Variants in COPB2 observed in about 807,000 individuals in gnomAD.
COPB2 encodes the protein coat protein complex I subunit beta 2, also known as coatomer subunit beta'.
In COPB2, 16 loss-of-function variants were observed where a neutral mutation model predicts 120.8. The observed-to-expected ratio is 0.13, with a 90% CI of 0.09 to 0.20. The LOEUF (loss-of-function observed/expected upper bound fraction) is 0.20, where lower values mean the gene tolerates loss of function less well. Among genes scored for constraint, COPB2 ranks in the 10% least tolerant of loss-of-function variants. COPB2 has a pLI of 1.00. For missense variants in COPB2, 794 were observed against 1,076.5 expected, an observed-to-expected ratio of 0.74 and a Z score of 3.67; for synonymous variants, 332 against 366.3, an observed-to-expected ratio of 0.91 and a Z score of 1.07.
chr3:139,384,745 T>C (rs1338955016), intron 1 of COPB2, among the ~76,000 whole-genome samples: 1 of 152,206 alleles, frequency 6.6e-6, no homozygotes, highest in Non-Finnish European at 1.5e-5. Flanking sequence ...TAAGTGAAAA[T>C]GACTTTTTAA....
chr3:139,367,285 T>C, intron 13 of COPB2, 140 bp from the exon 14 acceptor site: 1 of 1,054,412 alleles, frequency 9.5e-7, no homozygotes, highest in South Asian at 1.9e-5. Context: ...AAAAAAATTT[T>C]CCTTGGAATT....
intron 1 of COPB2, among the ~76,000 whole-genome samples, chr3:139,385,906 A>AAT (rs1235109152): frequency 6.6e-6 from 1 of 152,222 alleles, no homozygotes; most frequent in Non-Finnish European, 1.5e-5. Context: ...ACACAACCTA[A>AAT]AAGCTCATTT....
chr3:139,358,159 A>C (rs778518232), intron 21 of COPB2, 41 bp downstream of exon 21: 1 of 1,545,272 alleles, frequency 6.5e-7, no homozygotes, highest in East Asian at 2.2e-5. Flanking sequence ...ATGGGGAGGA[A>C]GATGGGGTAG....
chr3:139,387,656 A>G (rs978571365), intron 1 of COPB2, among the ~76,000 whole-genome samples: 1 of 152,176 alleles, frequency 6.6e-6, no homozygotes, highest in African/African-American at 2.4e-5. Context: ...TCTCCAGATC[A>G]CCTTATATAT....
intron 9 of COPB2, among the ~76,000 whole-genome samples, chr3:139,372,880 CCTA>C (rs958549309): frequency 8.5e-5 from 13 of 152,168 alleles, no homozygotes; most frequent in African/African-American, 3.1e-4. Context: ...AGAGAGGGCA[CCTA>C]CTAAGTCTCA....
In COPB2 at chr3:139,373,349, A is replaced by C. The variant is rs748708144; in HGVS notation, c.958T>G (p.Ser320Ala). 1 of 1,614,176 alleles carries C rather than the reference A, an allele frequency of 6.2e-7. No homozygotes were observed. The highest frequency in any genetic ancestry group is 8.5e-7 in the Non-Finnish European group (1 of 1,180,036). The change falls in exon 9 of 22, where the codon TCA becomes GCA. Residue 320 changes from serine (S) to alanine (A), a missense_variant. Physicochemically the swap from Ser to Ala is moderately conservative, Grantham distance 99. Coordinates refer to ENST00000333188, the MANE Select transcript of COPB2 (RefSeq NM_004766.3). ...ANGKIIWAKH[S>A]EVQQANLKAM... is the part of the protein sequence containing the mutation. ...TTTAGGTTGGCCTGCTGGACTTCTG[A>C]ATGCTTGGCCCAAATTATCTTTCCA...
In COPB2 at chr3:139,383,423, C is replaced by T. The variant is rs915447352; in HGVS notation, c.16G>A (p.Asp6Asn). 1 of 1,563,070 alleles carries T rather than the reference C, an allele frequency of 6.4e-7. No homozygotes were observed. Among genetic ancestry groups the T allele is most frequent in the Admixed American group, 2.0e-5 (1 of 50,232 alleles). Residue 6 changes from aspartate to asparagine, a missense_variant, in exon 2 of 22, where the codon GAT becomes AAT. Physicochemically the swap from Asp to Asn is conservative, Grantham distance 23 (BLOSUM62 1). Coordinates refer to ENST00000333188, the MANE Select transcript of COPB2 (RefSeq NM_004766.3). MPLRL[D>N]IKRKLTARSD... ...CTAGCAGTTAGCTTTCTTTTGATAT[C>T]AAGTCGCAGAGGCTAAAAAGAAACA...
intron 1 of COPB2, among the ~76,000 whole-genome samples, chr3:139,386,552 T>A (rs111835075): frequency 6.6e-6 from 1 of 152,138 alleles, no homozygotes; most frequent in African/African-American, 2.4e-5. Flanking sequence ...CATCTTAACA[T>A]TCCTTGCTAG....
Position 139,371,853 on chromosome 3 carries a change from G to T in COPB2, c.1095-20C>A. 6.2e-7 allele frequency: 1 copy of T among 1,601,896 alleles called. No homozygotes were observed. Among genetic ancestry groups the T allele is most frequent in the African/African-American group, 1.3e-5 (1 of 74,786 alleles). ...ACAAACCTAGAAATCACAGAAGCCA[G>T]GGAGGGAAGTACAGAGGACCAAAGA... On this transcript the variant is annotated intron_variant, in intron 9 of 21. Coordinates refer to ENST00000333188, the MANE Select transcript of COPB2 (RefSeq NM_004766.3).
Position 139,359,360 on chromosome 3 carries a change from A to G in COPB2, c.2213T>C (p.Val738Ala). The G allele has an allele frequency of 1.9e-6, 3 of 1,612,976 alleles. No homozygotes were observed. Among genetic ancestry groups the G allele is most frequent in the Non-Finnish European group, 2.5e-6 (3 of 1,179,102 alleles). Residue 738 changes from valine (V) to alanine (A), a missense_variant and splice_region_variant, in exon 18 of 22, where the codon GTT becomes GCT. Val to Ala is a moderately conservative substitution (Grantham distance 64). Around this residue, in one of 3 missense-constraint regions of COPB2, gnomAD observed 6 missense variants for 26.5 expected, o/e 0.23. Transcript: ENST00000333188. Reference protein sequence around the residue: ...AFMSYFLQGKVDACLELLIRT... With the variant: ...AFMSYFLQGKADACLELLIRT... ...AATTAAGAGCTCTAGGCAGGCATCA[A>G]CCCTAAACATTAAAAAGGAGAGGTA...
rs200197509 is a variant in COPB2, at chr3:139,376,814, A to C, written c.505-1200T>G. On this transcript the variant is annotated intron_variant, in intron 5 of 21. Transcript: ENST00000333188. ...CCCCAAGTTGGAGCGCAGTGGCGCAATCTCGGCTCACTGCAAGCTCTGCCT... is the reference window on the plus strand; with the variant it reads ...CCCCAAGTTGGAGCGCAGTGGCGCACTCTCGGCTCACTGCAAGCTCTGCCT... Among the ~76,000 whole-genome samples, 28 of 152,376 alleles carry C rather than the reference A, an allele frequency of 1.8e-4. No individual in the cohort carries two copies. The Middle Eastern group carries it at 0.01, about 56-fold the overall frequency.
At chr3:139,364,363 G>T (rs1192189489) in intron 15 of COPB2, among the ~76,000 whole-genome samples, 1 of 152,086 alleles carries the variant, frequency 6.6e-6, no homozygotes, top group East Asian at 1.9e-4. Flanking sequence ...TTATTCTTTG[G>T]AGAGGACAAA....
At chr3:139,388,420 G>C (rs1220570956) in intron 1 of COPB2, 2 of 149,632 alleles carry the variant, frequency 1.3e-5, no homozygotes, top group African/African-American at 4.9e-5. Flanking sequence ...GGGGGTGTCT[G>C]TGAATGAATG....
At chr3:139,387,089 C>A (rs896000494) in intron 1 of COPB2, among the ~76,000 whole-genome samples, 12 of 151,224 alleles carry the variant, frequency 7.9e-5, no homozygotes, top group African/African-American at 2.9e-4. Context: ...CACGCGCCTG[C>A]AGTCCCAGCT....
intron 5 of COPB2, among the ~76,000 whole-genome samples, chr3:139,376,724 A>G (rs1941718340): frequency 6.6e-6 from 1 of 152,234 alleles, no homozygotes. Context: ...AAGTCAATGC[A>G]TATGGAAATA....
At chr3:139,378,973 A>G in intron 4 of COPB2, 74 bp downstream of exon 4, 1 of 1,434,504 alleles carries the variant, frequency 7.0e-7, no homozygotes, top group South Asian at 1.5e-5. Flanking sequence ...CAGCAGTTAA[A>G]GCATAGCATG....
At chr3:139,387,296 G>A (rs778580422) in intron 1 of COPB2, among the ~76,000 whole-genome samples, 3 of 152,006 alleles carry the variant, frequency 2.0e-5, no homozygotes, top group Middle Eastern at 3.2e-3. Context: ...AAGAAAGAAC[G>A]AACAGGCAAG....
At chr3:139,363,102 C>T (rs1412895020) in intron 15 of COPB2, among the ~76,000 whole-genome samples, 2 of 152,216 alleles carry the variant, frequency 1.3e-5, no homozygotes, top group African/African-American at 4.8e-5. Flanking sequence ...AATTAGGTGT[C>T]ATTACCTATT....
chr3:139,389,258 C>T (rs1405195817), intron 1 of COPB2, among the ~76,000 whole-genome samples: 1 of 152,252 alleles, frequency 6.6e-6, no homozygotes, highest in Non-Finnish European at 1.5e-5. Context: ...TTCTGTGTTT[C>T]CCTACACCAC....
Sources: gnomAD v4.1 joint callset for allele counts (sites outside exome capture counted in the v4.1 genomes callset) on GRCh38, gnomAD v4.1.1 for gene constraint, gnomAD v4.1.1 regional missense constraint, MANE v1.5 for transcripts, NCBI Gene and HGNC (gene_info 2026-07-23, HGNC 2026-07-21) for gene names.